MAGED1: variants seen among roughly 807,000 people sequenced by gnomAD.
The protein encoded by MAGED1 is melanoma-associated antigen D1.
In MAGED1, 3 loss-of-function variants were observed where a neutral mutation model predicts 54.1. The observed-to-expected ratio is 0.06, with a 90% CI of 0.03 to 0.14. The LOEUF (loss-of-function observed/expected upper bound fraction) is 0.14. Ranked by LOEUF, MAGED1 falls within the 10% of genes least tolerant of loss-of-function variation. The pLI is 1.00. For synonymous variants in MAGED1, 217 were observed against 227.3 expected (o/e 0.95, Z 0.41); for missense variants, 485 against 623.4 (o/e 0.78, Z 2.36).
At chrX:51,819,013 T>C (rs974023953) in intron 1 of MAGED1, among the ~76,000 whole-genome samples, 34 of 112,008 alleles carry the variant, frequency 3.0e-4, no homozygotes, top group African/African-American at 1.1e-3. Flanking sequence ...TTTACAGACT[T>C]CATTCTGAAG....
rs900774561 is a variant in MAGED1, at chrX:51,850,076, C to T, written c.-36-44193C>T. ...CTGGGACTACAGGTGCGCAACACCA[C>T]GCCTGTTTAACTTTTTATATTTTTA... On this transcript the variant is annotated intron_variant, in intron 1 of 12. Coordinates refer to the MAGED1 transcript ENST00000375772. 9.0e-5 allele frequency among the ~76,000 whole-genome samples: 10 copies of T among 110,667 alleles called. No homozygotes were observed. In the South Asian group the frequency reaches 1.6e-3, roughly 18 times the overall value.
chrX:51,831,210 C>T (rs1926054001), intron 1 of MAGED1, among the ~76,000 whole-genome samples: 1 of 112,545 alleles, frequency 8.9e-6, no homozygotes, highest in Admixed American at 9.4e-5. Context: ...TATTCCCAAT[C>T]TTGACTTGAA....
chrX:51,814,706 T>A (rs1452391775), intron 1 of MAGED1, among the ~76,000 whole-genome samples: 2 of 111,442 alleles, frequency 1.8e-5, no homozygotes, highest in African/African-American at 6.5e-5. Flanking sequence ...AGTGATGTCA[T>A]AGCTGTTGTA....
intron 1 of MAGED1, among the ~76,000 whole-genome samples, chrX:51,852,306 C>T (rs1167735362): frequency 8.9e-6 from 1 of 111,820 alleles, no homozygotes; most frequent in African/African-American, 3.3e-5. Flanking sequence ...ATCTCTTCAT[C>T]TCAGAATCTT....
intron 1 of MAGED1, 27 bp from the exon 2 acceptor site, chrX:51,894,242 G>A (rs1478166452): frequency 5.2e-6 from 5 of 968,589 alleles, no homozygotes; most frequent in East Asian, 3.3e-5. Context: ...GCCCTCTGTA[G>A]TATAACGCCC....
intron 1 of MAGED1, among the ~76,000 whole-genome samples, chrX:51,828,526 C>T (rs193091290): frequency 1.8e-5 from 2 of 110,730 alleles, no homozygotes; most frequent in African/African-American, 6.6e-5. Context: ...TTATGGTATC[C>T]AGCAGTTTCT....
chrX:51,881,759 C>G (rs1928065551), intron 1 of MAGED1, among the ~76,000 whole-genome samples: 1 of 111,386 alleles, frequency 9.0e-6, no homozygotes, highest in Non-Finnish European at 1.9e-5. Context: ...TGTTCTTTCT[C>G]CATTATCTTA....
chrX:51,877,688 C>G (rs1450576561), intron 1 of MAGED1, among the ~76,000 whole-genome samples: 3 of 111,273 alleles, frequency 2.7e-5, no homozygotes, highest in African/African-American at 9.8e-5. Context: ...AAGAATTTTG[C>G]AAAGACTTTT....
chrX:51,860,835 G>A (rs1190204516), intron 1 of MAGED1, among the ~76,000 whole-genome samples: 2 of 110,677 alleles, frequency 1.8e-5, no homozygotes, highest in Non-Finnish European at 3.8e-5. Context: ...AGAAAGGTAG[G>A]AGGGGGACCA....
intron 1 of MAGED1, among the ~76,000 whole-genome samples, chrX:51,827,749 A>T (rs1284033238): frequency 9.0e-6 from 1 of 111,668 alleles, no homozygotes; most frequent in East Asian, 2.8e-4. Flanking sequence ...AAAAAAAGAA[A>T]TGCTTCTCTC....
intron 1 of MAGED1, among the ~76,000 whole-genome samples, chrX:51,865,826 G>A (rs1251267128): frequency 9.0e-6 from 1 of 111,479 alleles, no homozygotes; most frequent in Non-Finnish European, 1.9e-5. Flanking sequence ...TGGATCAAGA[G>A]GGCAGATTTC....
chrX:51,877,938 ATTG>A (rs1927931938), intron 1 of MAGED1, among the ~76,000 whole-genome samples: 1 of 111,475 alleles, frequency 9.0e-6, no homozygotes, highest in African/African-American at 3.3e-5. Context: ...ATCTATTTTA[ATTG>A]TTGTTAATGT....
chrX:51,825,240 GGACTT>G (rs1925812479), intron 1 of MAGED1, among the ~76,000 whole-genome samples: 1 of 110,545 alleles, frequency 9.0e-6, no homozygotes, highest in African/African-American at 3.3e-5. Flanking sequence ...ATTGTAGAGG[GGACTT>G]GACTTACATG....
intron 1 of MAGED1, among the ~76,000 whole-genome samples, chrX:51,842,258 TAATA>T (rs1557358708): frequency 5.3e-5 from 6 of 112,248 alleles, no homozygotes; most frequent in African/African-American, 1.6e-4. Flanking sequence ...TGTGACACAT[TAATA>T]GAAGAGTTTC....
At chrX:51,847,624 C>T (rs973237994) in intron 1 of MAGED1, among the ~76,000 whole-genome samples, 2 of 110,791 alleles carry the variant, frequency 1.8e-5, no homozygotes, top group African/African-American at 6.6e-5. Flanking sequence ...GAATGCCAGG[C>T]CACCACACAG....
chrX:51,851,509 AG>A (rs1689554905), intron 1 of MAGED1, among the ~76,000 whole-genome samples: 1 of 111,522 alleles, frequency 9.0e-6, no homozygotes, highest in Non-Finnish European at 1.9e-5. Context: ...CCTGTAAATT[AG>A]GCACAGTTAA....
At chrX:51,886,826 G>A (rs1412955734) in intron 1 of MAGED1, among the ~76,000 whole-genome samples, 3 of 110,770 alleles carry the variant, frequency 2.7e-5, no homozygotes, top group African/African-American at 9.9e-5. Flanking sequence ...AGGCTGAGGC[G>A]GGAGCAATCA....
rs782690282 is a variant in MAGED1, at chrX:51,895,432, C to T, written c.425C>T (p.Ser142Phe). 8.3e-7 allele frequency: 1 copy of T among 1,206,995 alleles called. No individual in the cohort carries two copies. The highest frequency in any genetic ancestry group is 1.8e-5 in the South Asian group (1 of 55,950). Residue 142 changes from serine to phenylalanine, a missense_variant, in exon 3 of 13, where the codon TCT (serine) becomes TTT (phenylalanine). By Grantham distance (155) the Ser-to-Phe change is radical (BLOSUM62 -2). Around this residue, in one of 2 missense-constraint regions of MAGED1, gnomAD observed 299 missense variants for 293.1 expected, o/e 1.02. Coordinates refer to ENST00000326587, the MANE Select transcript of MAGED1 (RefSeq NM_006986.4). ...ATTGELAANKSEMAFKAQNAT... is the reference protein window; with the variant it reads ...ATTGELAANKFEMAFKAQNAT... Reference sequence around the variant, plus strand: ...ACTGGTGAGTTAGCTGCTAACAAGTCTGAGATGGCCTTCAAGGCCCAGAAT... The same window carrying T: ...ACTGGTGAGTTAGCTGCTAACAAGTTTGAGATGGCCTTCAAGGCCCAGAAT...
At chrX:51,861,182 A>G (rs1440268298) in intron 1 of MAGED1, among the ~76,000 whole-genome samples, 1 of 111,595 alleles carries the variant, frequency 9.0e-6, no homozygotes, top group African/African-American at 3.3e-5. Context: ...AGTACATCTC[A>G]ACTCTCATCA....
Sources: gnomAD v4.1 joint callset for allele counts (sites outside exome capture counted in the v4.1 genomes callset) on GRCh38, gnomAD v4.1.1 for gene constraint, gnomAD v4.1.1 regional missense constraint, MANE v1.5 for transcripts, NCBI Gene and HGNC (gene_info 2026-07-23, HGNC 2026-07-21) for gene names.